PDYN: variants seen among roughly 807,000 people sequenced by gnomAD.
PDYN encodes proenkephalin-B.
A neutral mutation model predicts 11.4 loss-of-function variants in PDYN; 5 were observed. The observed-to-expected ratio is 0.44, with a 90% CI of 0.23 to 0.92. The LOEUF is 0.92. Among genes scored for constraint, PDYN ranks in the 40% least tolerant of loss-of-function variants. The pLI, the probability that PDYN is intolerant of heterozygous loss-of-function variation, is 0.24. For missense variants in PDYN, 337 were observed against 317.3 expected (o/e 1.06, Z -0.47); for synonymous variants, 132 against 129.5 (o/e 1.02, Z -0.13).
chr20:1,980,599 G>C lies in PDYN; in HGVS notation c.489C>G (p.Leu163=). The C allele has an allele frequency of 1.2e-6, 2 of 1,614,134 alleles. No individual in the cohort carries two copies. Among genetic ancestry groups the C allele is most frequent in the Non-Finnish European group, 1.7e-6 (2 of 1,180,030 alleles). The change falls in exon 4 of 4, where the codon CTC becomes CTG. Residue 163 remains leucine, a synonymous_variant. Transcript: ENST00000217305. ...DGAMETGTLY[L]AEEDPKEQVK... ...CCTGCTCCTTGGGGTCCTCCTCAGC[G>C]AGATAGAGTGTGCCAGTCTCCATGG...
rs149056587 is a variant in PDYN, at chr20:1,982,979, C to A, written c.106G>T (p.Gly36Cys). 1.0e-4 allele frequency: 166 copies of A among 1,614,018 alleles called. No individual in the cohort carries two copies. In the African/African-American group the frequency reaches 1.9e-3, roughly 19 times the overall value. The change falls in exon 3 of 4, where the codon GGT becomes TGT. Residue 36 changes from glycine (G) to cysteine (C), a missense_variant. Gly to Cys is a radical substitution (Grantham distance 159, BLOSUM62 -3). Coordinates refer to ENST00000217305, the MANE Select transcript of PDYN (RefSeq NM_024411.5). ...ACCAGGGGATTGATAGGTTTGGGAC[C>A]ATCCTGGGTCTTTACAGCACACAAG... The part of the protein sequence containing the change: ...CSLCAVKTQD[G>C]PKPINPLICS...
rs114729501 is a variant in PDYN, at chr20:1,987,564, G to T, written c.-19-4461C>A. ...ACAGACAAGTGAGTCTGCAGCCCCT[G>T]AATTACCCACTCTAACTCGGAGAAG... On this transcript the variant is annotated intron_variant, in intron 2 of 3. Transcript: ENST00000217305. 4.0e-3 allele frequency among the ~76,000 whole-genome samples: 616 copies of T among 152,278 alleles called. 8 individuals are homozygous for T. Among genetic ancestry groups the T allele is most frequent in the African/African-American group, 0.014 (598 of 41,574 alleles).
chr20:1,984,465 A>G (rs145939047), intron 2 of PDYN, among the ~76,000 whole-genome samples: 4 of 152,230 alleles, frequency 2.6e-5, no homozygotes, highest in African/African-American at 7.2e-5. Context: ...TGCCTCCCCA[A>G]TAGAATGTTA....
intron 2 of PDYN, among the ~76,000 whole-genome samples, chr20:1,992,326 A>G (rs1988484834): frequency 6.6e-6 from 1 of 152,154 alleles, no homozygotes; most frequent in South Asian, 2.1e-4. Flanking sequence ...TTACTTCAAG[A>G]AACCTTAACT....
rs1987732119 is a variant in PDYN at position 1,980,913 on chromosome 20, A to C, written c.175T>G (p.Trp59Gly). The change falls in exon 4 of 4, where the codon TGG (tryptophan) becomes GGG (glycine). Residue 59 changes from tryptophan (W) to glycine (G), a missense_variant. Coordinates refer to ENST00000217305, the MANE Select transcript of PDYN (RefSeq NM_024411.5). ...CQAALLPSEE[W>G]ERCQSFLSFF... Reference sequence around the variant, plus strand: ...GACAGAAAGCTCTGGCATCTCTCCCATTCCTCAGAGGGCAGCAGGGCAGCC... The same window carrying C: ...GACAGAAAGCTCTGGCATCTCTCCCCTTCCTCAGAGGGCAGCAGGGCAGCC... 2 of 1,614,190 alleles carry C rather than the reference A, an allele frequency of 1.2e-6. No individual in the cohort carries two copies. The highest frequency in any genetic ancestry group is 1.7e-6 in the Non-Finnish European group (2 of 1,180,040).
intron 3 of PDYN, 115 bp downstream of exon 3, chr20:1,982,841 G>C: frequency 8.8e-7 from 1 of 1,135,584 alleles, no homozygotes; most frequent in African/African-American, 1.5e-5. Context: ...CCCTGCACAG[G>C]TGGGATGGAT....
chr20:1,981,518 C>A (rs763957888), intron 3 of PDYN, among the ~76,000 whole-genome samples: 2 of 152,116 alleles, frequency 1.3e-5, no homozygotes, highest in Non-Finnish European at 2.9e-5. Flanking sequence ...GAACTTGAAC[C>A]CAGGCCGTCC....
Position 1,980,946 on chromosome 20 carries a change from G to T in PDYN, c.142C>A (p.Gln48Lys). The T allele has an allele frequency of 6.2e-7, 1 of 1,614,080 alleles. No homozygotes were observed. The highest frequency in any genetic ancestry group is 1.1e-5 in the South Asian group (1 of 91,078). Residue 48 changes from glutamine to lysine, a missense_variant, in exon 4 of 4, where the codon CAA (glutamine) becomes AAA (lysine). Physicochemically the swap from Gln to Lys is moderately conservative, Grantham distance 53. Transcript: ENST00000217305. Reference protein sequence around the residue: ...KPINPLICSLQCQAALLPSEE... With the variant: ...KPINPLICSLKCQAALLPSEE... ...GAGGGCAGCAGGGCAGCCTGGCATT[G>T]CAGGGAGCAAATCTGCAAAAGACCC...
chr20:1,982,914 G>A, intron 3 of PDYN, 42 bp downstream of exon 3: 9 of 1,608,570 alleles, frequency 5.6e-6, no homozygotes, highest in Non-Finnish European at 7.7e-6. Context: ...CCTCGCACAG[G>A]TCCAAGGACC....
At chr20:1,988,593 A>C (rs1988297991) in intron 2 of PDYN, among the ~76,000 whole-genome samples, 1 of 152,116 alleles carries the variant, frequency 6.6e-6, no homozygotes, top group Non-Finnish European at 1.5e-5. Context: ...GGTAAGCGGG[A>C]GGCATGATGT....
At chr20:1,986,743 G>A (rs1988203814) in intron 2 of PDYN, among the ~76,000 whole-genome samples, 1 of 152,214 alleles carries the variant, frequency 6.6e-6, no homozygotes, top group Non-Finnish European at 1.5e-5. Context: ...AGACAGATTG[G>A]ATGTGAGTTC....
Position 1,980,149 on chromosome 20 carries a change from C to G in PDYN, c.*174G>C. 2.7e-6 allele frequency: 2 copies of G among 736,580 alleles called. No individual in the cohort carries two copies. The highest frequency in any genetic ancestry group is 4.7e-6 in the Non-Finnish European group (2 of 425,576). 45.6% of individuals were successfully genotyped at this position (736,580 alleles called of 1,614,324 possible). A position where few individuals can be genotyped will look rare whatever the true frequency, so the allele number is the denominator to read the frequency against. ...ACATCCACCCTTCCCCATCACAGAC[C>G]CCAGAGAAATAACATACTCCCACGC... On this transcript the variant is annotated 3_prime_UTR_variant, in exon 4 of 4. Transcript: ENST00000217305.
intron 2 of PDYN, among the ~76,000 whole-genome samples, chr20:1,990,048 G>A (rs936627765): frequency 3.9e-5 from 6 of 152,168 alleles, no homozygotes; most frequent in East Asian, 1.9e-4. Flanking sequence ...TAAGTCCATC[G>A]CATTCCTCAT....
chr20:1,992,220 G>T (rs1179823087), intron 2 of PDYN, among the ~76,000 whole-genome samples: 2 of 152,202 alleles, frequency 1.3e-5, no homozygotes, highest in Admixed American at 1.3e-4. Context: ...CACACAGTAA[G>T]TGAGTGGTAG....
rs1441059895 is a variant in PDYN, at chr20:1,980,358, G to A, written c.730C>T (p.Pro244Ser). The A allele has an allele frequency of 1.9e-6, 3 of 1,614,106 alleles. No individual in the cohort carries two copies. ...FKVVTRSQED[P>S]NAYSGELFDA ...AAAAGCTCTCCAGAGTAAGCATTCGGATCTTCCTGAGACCGAGTCACCACC... is the reference window on the plus strand; with the variant it reads ...AAAAGCTCTCCAGAGTAAGCATTCGAATCTTCCTGAGACCGAGTCACCACC... Residue 244 changes from proline to serine, a missense_variant, in exon 4 of 4, where the codon CCG becomes TCG. By Grantham distance (74) the Pro-to-Ser change is moderately conservative. Transcript: ENST00000217305.
At chr20:1,985,684 G>A (rs369671956) in intron 2 of PDYN, among the ~76,000 whole-genome samples, 13 of 152,208 alleles carry the variant, frequency 8.5e-5, no homozygotes, top group South Asian at 6.2e-4. Context: ...CATGTGCCTC[G>A]CTTGAGGCTG....
chr20:1,980,744 A>G lies in PDYN; in HGVS notation c.344T>C (p.Ile115Thr), dbSNP rs1987710460. The G allele has an allele frequency of 6.2e-7, 1 of 1,614,092 alleles. No homozygotes were observed. The highest frequency in any genetic ancestry group is 8.5e-7 in the Non-Finnish European group (1 of 1,180,024). Residue 115 changes from isoleucine to threonine, a missense_variant, in exon 4 of 4, where the codon ATC becomes ACC. Transcript: ENST00000217305. ...ELEKSKFLPS[I>T]STKENTLSKS... The stretch of plus-strand genomic sequence containing the variant: ...GCTCAGAGTGTTCTCCTTTGTTGAG[A>G]TACTTGGGAGAAACTTGCTTTTCTC...
chr20:1,993,328 C>T (rs1988532404), intron 1 of PDYN, among the ~76,000 whole-genome samples: 1 of 152,168 alleles, frequency 6.6e-6, no homozygotes, highest in Non-Finnish European at 1.5e-5. Flanking sequence ...CATCCCCAAA[C>T]TTCAACCTGT....
intron 2 of PDYN, among the ~76,000 whole-genome samples, chr20:1,986,509 T>G (rs6035235): frequency 0.17 from 26,231 of 152,122 alleles, 3,283 homozygotes; most frequent in African/African-American, 0.36. Flanking sequence ...ATTGTCCCCA[T>G]CACCTAGCAG....
Sources: allele counts gnomAD v4.1 joint callset (sites outside exome capture counted in the v4.1 genomes callset), GRCh38; gene constraint gnomAD v4.1.1; transcripts MANE v1.5; gene names NCBI Gene and HGNC (gene_info 2026-07-23, HGNC 2026-07-21).